The following NRG3 variants were observed in gnomAD, a reference collection of about 807,000 sequenced individuals.
The protein encoded by NRG3 is pro-neuregulin-3, membrane-bound isoform.
NRG3 carries 31 observed loss-of-function variants against 66.9 expected under a neutral mutation model. The observed-to-expected ratio is 0.46, with a 90% confidence interval of 0.35 to 0.63. The LOEUF is 0.63. NRG3 is among the 20% of genes least tolerant of loss of function. The probability of loss-of-function intolerance (pLI) is 0.00; values close to 1 mark genes in which losing one functional copy is unlikely to be tolerated. For synonymous variants in NRG3, 393 were observed against 359.4 expected (o/e 1.09, Z -1.06); for missense variants, 910 against 878.9 (o/e 1.04, Z -0.45).
At chr10:82,824,663 TA>T (rs1481661634) in intron 3 of NRG3, among the ~76,000 whole-genome samples, 1 of 152,138 alleles carries the variant, frequency 6.6e-6, no homozygotes, top group South Asian at 2.1e-4. Context: ...GCTGTTTGTA[TA>T]TTTTTTTTGA....
chr10:82,466,224 C>T (rs1363517638), intron 2 of NRG3, among the ~76,000 whole-genome samples: 2 of 152,040 alleles, frequency 1.3e-5, no homozygotes, highest in Admixed American at 6.6e-5. Flanking sequence ...CTCTGACTGC[C>T]CTTGGAATAA....
chr10:81,894,913 A>G (rs1180018090), intron 1 of NRG3, among the ~76,000 whole-genome samples: 2 of 152,200 alleles, frequency 1.3e-5, no homozygotes, highest in African/African-American at 2.4e-5. Flanking sequence ...AACCCAGTGC[A>G]TGCCAGGGGC....
intron 1 of NRG3, among the ~76,000 whole-genome samples, chr10:82,253,946 C>T (rs1020104209): frequency 1.7e-4 from 26 of 152,262 alleles, no homozygotes; most frequent in African/African-American, 5.8e-4. Context: ...TACTTATATA[C>T]TTGTCTGTCT....
rs984904428 is a variant in NRG3 at position 82,898,849 on chromosome 10, G to A, written c.1054+33412G>A. Among the ~76,000 whole-genome samples, 23 of 149,428 alleles carry A rather than the reference G, an allele frequency of 1.5e-4. No individual in the cohort carries two copies. The Admixed American group carries it at 1.6e-3, about 10-fold the overall frequency. ...CCATTTTTCTGCCTCAGCCTCCCTA[G>A]TAGTTGGGACTGCAGGCACCCCGGC... On this transcript the variant is annotated intron_variant, in intron 4 of 8. Coordinates refer to ENST00000372141, the MANE Select transcript of NRG3 (RefSeq NM_001010848.4).
intron 1 of NRG3, among the ~76,000 whole-genome samples, chr10:81,922,071 C>G (rs1398040153): frequency 6.6e-6 from 1 of 152,042 alleles, no homozygotes; most frequent in East Asian, 1.9e-4. Context: ...TTATACTATC[C>G]AGTTTAAATG....
In NRG3 at chr10:82,985,121, C is replaced by T. The variant is rs763296501; in HGVS notation, c.1607C>T (p.Thr536Ile). The part of the protein sequence containing the change: ...CQGYSSSGLK[T>I]QRNTSINMQL... ...AGGTATTCATCCAGTGGTTTAAAAA[C>T]CCAACGAAATACATCAATAAATATG... The change falls in exon 9 of 9, where the codon ACC (threonine) becomes ATC (isoleucine). Residue 536 changes from threonine (T) to isoleucine (I), a missense_variant. Physicochemically the swap from Thr to Ile is moderately conservative, Grantham distance 89. Coordinates refer to ENST00000372141, the MANE Select transcript of NRG3 (RefSeq NM_001010848.4). 6.2e-6 allele frequency: 10 copies of T among 1,613,524 alleles called. No individual in the cohort carries two copies. Among genetic ancestry groups the T allele is most frequent in the South Asian group, 2.2e-5 (2 of 91,042 alleles).
At chr10:82,948,301 T>C (rs1849208784) in intron 4 of NRG3, among the ~76,000 whole-genome samples, 1 of 152,116 alleles carries the variant, frequency 6.6e-6, no homozygotes, top group African/African-American at 2.4e-5. Flanking sequence ...GCCAATACCA[T>C]ATGCCTTGAT....
At chr10:82,760,268 G>A (rs574422746) in intron 3 of NRG3, among the ~76,000 whole-genome samples, 3 of 152,200 alleles carry the variant, frequency 2.0e-5, no homozygotes, top group African/African-American at 7.2e-5. Context: ...ACAGCCAAAA[G>A]CACATCTGGT....
intron 1 of NRG3, among the ~76,000 whole-genome samples, chr10:82,156,192 C>A (rs1373715570): frequency 6.6e-6 from 1 of 150,760 alleles, no homozygotes; most frequent in Non-Finnish European, 1.5e-5. Flanking sequence ...TCTCAGAAAG[C>A]AAAAGCGATA....
intron 2 of NRG3, among the ~76,000 whole-genome samples, chr10:82,488,632 T>G (rs1044893020): frequency 2.0e-5 from 3 of 152,172 alleles, no homozygotes; most frequent in Non-Finnish European, 1.5e-5. Flanking sequence ...AGATGACTTT[T>G]GTGGTCTCAA....
chr10:82,542,838 G>A (rs1024230736), intron 2 of NRG3, among the ~76,000 whole-genome samples: 1 of 151,928 alleles, frequency 6.6e-6, no homozygotes, highest in Non-Finnish European at 1.5e-5. Flanking sequence ...GGTTGAAGGA[G>A]ACTAGTATTG....
intron 2 of NRG3, among the ~76,000 whole-genome samples, chr10:82,624,084 G>A (rs944889523): frequency 4.0e-5 from 6 of 151,872 alleles, no homozygotes; most frequent in African/African-American, 1.5e-4. Context: ...AATACCTCTG[G>A]GTTTAATTTT....
chr10:82,415,397 G>T (rs2088474919), intron 2 of NRG3, among the ~76,000 whole-genome samples: 1 of 152,068 alleles, frequency 6.6e-6, no homozygotes, highest in African/African-American at 2.4e-5. Context: ...TTACCACAAA[G>T]GTTTGCTAAT....
intron 6 of NRG3, among the ~76,000 whole-genome samples, chr10:82,959,539 A>G (rs2132447024): frequency 6.6e-6 from 1 of 152,276 alleles, no homozygotes; most frequent in Non-Finnish European, 1.5e-5. Context: ...GGATGGGGGT[A>G]GACTTGGGGG....
At position 82,985,521 on chromosome 10, in the gene NRG3, CCT is replaced by C. The variant is rs760730033; in HGVS notation, c.2008_2009del (p.Leu670GlufsTer17). 70 of 1,613,892 alleles carry C rather than the reference CCT, an allele frequency of 4.3e-5. No individual in the cohort carries two copies. The highest frequency in any genetic ancestry group is 2.4e-4 in the South Asian group (22 of 91,074). On this transcript the variant is annotated frameshift_variant, in exon 9 of 9. Coordinates refer to ENST00000372141, the MANE Select transcript of NRG3 (RefSeq NM_001010848.4). LOFTEE classifies it high-confidence loss of function. The part of the protein sequence containing the change: ...SASENTAFLP[L>X]SPTAKSEREA... ...CAAGCGAAAACACAGCCTTTCTCCCCCTGAGTCCCACAGCCAAATCAGAACGA... is the reference window on the plus strand; with the variant it reads ...CAAGCGAAAACACAGCCTTTCTCCCCGAGTCCCACAGCCAAATCAGAACGA...
intron 1 of NRG3, among the ~76,000 whole-genome samples, chr10:82,112,572 T>C (rs956898761): frequency 3.9e-5 from 6 of 152,202 alleles, no homozygotes; most frequent in Non-Finnish European, 8.8e-5. Context: ...TTAAACAGTT[T>C]ATAATTTGCA....
chr10:82,834,304 G>C (rs1345033230), intron 3 of NRG3, among the ~76,000 whole-genome samples: 2 of 152,074 alleles, frequency 1.3e-5, no homozygotes, highest in Non-Finnish European at 2.9e-5. Flanking sequence ...TTAGGCATGT[G>C]GCAGGAAGAA....
At chr10:82,439,955 G>T (rs1018382656) in intron 2 of NRG3, among the ~76,000 whole-genome samples, 22 of 151,798 alleles carry the variant, frequency 1.4e-4, no homozygotes, top group African/African-American at 5.3e-4. Flanking sequence ...TTTTGTTTTA[G>T]GTTTCATAAA....
chr10:82,763,338 C>T (rs1307428828), intron 3 of NRG3, among the ~76,000 whole-genome samples: 1 of 152,024 alleles, frequency 6.6e-6, no homozygotes, highest in Non-Finnish European at 1.5e-5. Context: ...AAAGAAATAT[C>T]CATTTATCCT....
Sources: allele counts gnomAD v4.1 joint callset (sites outside exome capture counted in the v4.1 genomes callset), GRCh38; gene constraint gnomAD v4.1.1; transcripts MANE v1.5; gene names NCBI Gene and HGNC (gene_info 2026-07-23, HGNC 2026-07-21).